The following TEX9 variants were observed in gnomAD, a reference collection of about 807,000 sequenced individuals.
TEX9 encodes testis-expressed protein 9.
A neutral mutation model predicts 59.6 loss-of-function variants in TEX9; 74 were observed. The ratio of observed to expected loss-of-function variants is 1.24; its 90% CI spans 1.03 to 1.51. TEX9 has a LOEUF of 1.51. Ranked by LOEUF, TEX9 falls within the 40% of genes most tolerant of loss-of-function variation. The pLI is 0.00. For missense variants in TEX9, 522 were observed against 447.8 expected (o/e 1.17, Z -1.49); for synonymous variants, 186 against 152.2 (o/e 1.22, Z -1.64).
intron 1 of TEX9, among the ~76,000 whole-genome samples, chr15:56,301,872 G>A (rs1352580760): frequency 6.6e-6 from 1 of 152,134 alleles, no homozygotes; most frequent in Non-Finnish European, 1.5e-5. Flanking sequence ...AATGGTAACG[G>A]TAAGTACAGA....
intron 1 of TEX9, among the ~76,000 whole-genome samples, chr15:56,349,853 G>T (rs536138788): frequency 6.6e-6 from 1 of 151,946 alleles, no homozygotes; most frequent in Non-Finnish European, 1.5e-5. Flanking sequence ...CTGCAAATAG[G>T]TTGGTCCAGT....
At chr15:56,399,835 G>C (rs1224372031) in intron 9 of TEX9, among the ~76,000 whole-genome samples, 1 of 152,202 alleles carries the variant, frequency 6.6e-6, no homozygotes, top group Admixed American at 6.5e-5. Context: ...GTGATACCCA[G>C]GCAAACAGGG....
chr15:56,419,463 A>G (rs1467621847), intron 10 of TEX9, among the ~76,000 whole-genome samples: 1 of 151,846 alleles, frequency 6.6e-6, no homozygotes, highest in South Asian at 2.1e-4. Flanking sequence ...TTCCTGAGAG[A>G]TCTTACCAGG....
intron 1 of TEX9, among the ~76,000 whole-genome samples, chr15:56,354,739 A>G (rs2046653227): frequency 6.6e-6 from 1 of 152,238 alleles, no homozygotes; most frequent in Non-Finnish European, 1.5e-5. Flanking sequence ...CAAAACTTGT[A>G]GAATGGGTGT....
chr15:56,257,251 T>C (rs1428900168), intron 1 of TEX9, among the ~76,000 whole-genome samples: 6 of 152,094 alleles, frequency 3.9e-5, no homozygotes, highest in Non-Finnish European at 1.5e-5. Flanking sequence ...TGAACATACA[T>C]GTGCATATGC....
At chr15:56,320,488 AAG>A (rs36037947) in intron 1 of TEX9, among the ~76,000 whole-genome samples, 52,615 of 151,830 alleles carry the variant, frequency 0.35, 10,500 homozygotes, top group Non-Finnish European at 0.45. Flanking sequence ...GATAGAGGGA[AAG>A]AGAGAGATAG....
intron 9 of TEX9, chr15:56,395,906 C>T (rs2048448760): frequency 6.6e-6 from 1 of 152,056 alleles, no homozygotes; most frequent in Non-Finnish European, 1.5e-5. Context: ...AAATAGTTTT[C>T]CCCTACAGTG....
At chr15:56,388,267 T>C (rs1168787527) in intron 4 of TEX9, among the ~76,000 whole-genome samples, 2 of 152,074 alleles carry the variant, frequency 1.3e-5, no homozygotes, top group African/African-American at 4.8e-5. Context: ...TTATAGTGTA[T>C]CTTCTCAAAG....
chr15:56,444,727 T>C (rs371938307), intron 12 of TEX9: 4 of 1,366,050 alleles, frequency 2.9e-6, no homozygotes, highest in Admixed American at 2.0e-5. Context: ...CATAGTACGA[T>C]AGTATATTTT....
At position 56,394,688 on chromosome 15, in the gene TEX9, CAAGT is replaced by C. The variant is rs1567120069; in HGVS notation, c.685_688del (p.Val229LysfsTer8). ...GGATGAAATTCAGAATTTAAAGTCT[CAAGT>C]AAAAAATTTTGAAGAAGATTTTATG... On this transcript the variant is annotated frameshift_variant, in exon 9 of 13. Coordinates refer to ENST00000352903, the Ensembl canonical transcript of TEX9. LOFTEE classifies it high-confidence loss of function. The C allele has an allele frequency of 1.6e-5, 25 of 1,604,018 alleles. No homozygotes were observed. Among genetic ancestry groups the C allele is most frequent in the Non-Finnish European group, 2.0e-5 (24 of 1,174,406 alleles).
At chr15:56,288,855 T>G (rs1400818846) in intron 1 of TEX9, among the ~76,000 whole-genome samples, 2 of 152,134 alleles carry the variant, frequency 1.3e-5, no homozygotes, top group Non-Finnish European at 2.9e-5. Flanking sequence ...TCATCTTAAC[T>G]CCTATAACTC....
chr15:56,393,658 A>G (rs2048319097), intron 7 of TEX9: 1 of 152,252 alleles, frequency 6.6e-6, no homozygotes, highest in Non-Finnish European at 1.5e-5. Flanking sequence ...TAAAGTACCA[A>G]AGATAGATCC....
intron 1 of TEX9, among the ~76,000 whole-genome samples, chr15:56,337,529 A>G (rs116199867): frequency 6.6e-6 from 1 of 152,184 alleles, no homozygotes; most frequent in Non-Finnish European, 1.5e-5. Flanking sequence ...CTGTGGTTAA[A>G]TATTAGCCTT....
chr15:56,449,035 A>G (rs1009351400), downstream of TEX9, among the ~76,000 whole-genome samples: 12 of 152,146 alleles, frequency 7.9e-5, no homozygotes, highest in African/African-American at 2.4e-5. Flanking sequence ...GATTAGAGGC[A>G]TGAGCCACCA....
chr15:56,360,976 C>T (rs1446877295), upstream of TEX9, among the ~76,000 whole-genome samples: 3 of 152,138 alleles, frequency 2.0e-5, no homozygotes, highest in South Asian at 2.1e-4. Context: ...CTGACTATCC[C>T]GAGGCTTCCC....
At chr15:56,269,848 G>T (rs2044482823) in intron 1 of TEX9, among the ~76,000 whole-genome samples, 1 of 151,796 alleles carries the variant, frequency 6.6e-6, no homozygotes, top group South Asian at 2.1e-4. Context: ...AGTAGAGATG[G>T]GGTTTCACCG....
At chr15:56,338,172 CA>C (rs2046294947) in intron 1 of TEX9, among the ~76,000 whole-genome samples, 1 of 152,178 alleles carries the variant, frequency 6.6e-6, no homozygotes, top group African/African-American at 2.4e-5. Context: ...TTCCTCTCTG[CA>C]AACTAGAGCC....
chr15:56,351,038 C>T (rs1231867818), intron 1 of TEX9, among the ~76,000 whole-genome samples: 1 of 152,172 alleles, frequency 6.6e-6, no homozygotes, highest in Non-Finnish European at 1.5e-5. Flanking sequence ...CCTTCATAGG[C>T]TGCCAAACCC....
intron 11 of TEX9, 58 bp downstream of exon 11, chr15:56,427,797 T>G: frequency 7.5e-7 from 1 of 1,338,496 alleles, no homozygotes; most frequent in Non-Finnish European, 9.8e-7. Context: ...TACTAAAAAA[T>G]TTAGCATTTT....
Sources: gnomAD v4.1 joint callset for allele counts (sites outside exome capture counted in the v4.1 genomes callset) on GRCh38, gnomAD v4.1.1 for gene constraint, MANE v1.5 for transcripts, NCBI Gene and HGNC (gene_info 2026-07-23, HGNC 2026-07-21) for gene names.